Variants in SYNRG observed in about 807,000 individuals in gnomAD.
SYNRG encodes the protein AP1 gamma subunit binding protein 1.
SYNRG carries 37 observed loss-of-function variants against 130.9 expected under a neutral mutation model. That is an observed-to-expected ratio of 0.28 (90% CI 0.22 to 0.37). The LOEUF is 0.37. SYNRG is among the 10% of genes least tolerant of loss of function. The probability of loss-of-function intolerance (pLI) is 1.00; values close to 1 mark genes in which losing one functional copy is unlikely to be tolerated. For missense variants in SYNRG, 1,338 were observed against 1,588.9 expected, an observed-to-expected ratio of 0.84 and a Z score of 2.68; for synonymous variants, 539 against 568.1, an observed-to-expected ratio of 0.95 and a Z score of 0.73.
intron 19 of SYNRG, among the ~76,000 whole-genome samples, chr17:37,522,664 G>A (rs1405514453): frequency 7.0e-6 from 1 of 143,756 alleles, no homozygotes; most frequent in Non-Finnish European, 1.5e-5. Flanking sequence ...TTTTTGAGGT[G>A]GAGTCTTGCT....
At position 37,518,662 on chromosome 17, in the gene SYNRG, T is replaced by C. The variant is rs530602739; in HGVS notation, c.*278A>G. 2 of 381,868 alleles carry C rather than the reference T, an allele frequency of 5.2e-6. No homozygotes were observed. The highest frequency in any genetic ancestry group is 4.0e-5 in the African/African-American group (2 of 49,504). 23.7% of individuals were successfully genotyped at this position (381,868 alleles called of 1,614,324 possible). Reference sequence around the variant, plus strand: ...ACAGTTTCAATACTGCAGCAGCAAGTTCTTCCTTAGATCAAGAAAGCCGTG... The same window carrying C: ...ACAGTTTCAATACTGCAGCAGCAAGCTCTTCCTTAGATCAAGAAAGCCGTG... On this transcript the variant is annotated 3_prime_UTR_variant, in exon 22 of 22. Coordinates refer to ENST00000612223, the MANE Select transcript of SYNRG (RefSeq NM_007247.6).
At chr17:37,599,379 T>C (rs1270728876) in intron 2 of SYNRG, among the ~76,000 whole-genome samples, 2 of 152,182 alleles carry the variant, frequency 1.3e-5, no homozygotes. Context: ...TGGGTCCTAG[T>C]CTGAGACCAA....
intron 3 of SYNRG, among the ~76,000 whole-genome samples, chr17:37,594,462 CTTTTTT>C (rs58155320): frequency 8.0e-6 from 1 of 124,498 alleles, no homozygotes; most frequent in Admixed American, 8.2e-5. Context: ...CTTTCTTCTT[CTTTTTT>C]TTTTTTTTTT....
intron 2 of SYNRG, among the ~76,000 whole-genome samples, chr17:37,598,712 A>T (rs1373460954): frequency 1.4e-5 from 2 of 145,382 alleles, no homozygotes; most frequent in African/African-American, 5.0e-5. Flanking sequence ...AACAACTGTT[A>T]AAAAAAAATC....
At chr17:37,598,564 G>A (rs2062985379) in intron 2 of SYNRG, among the ~76,000 whole-genome samples, 1 of 152,166 alleles carries the variant, frequency 6.6e-6, no homozygotes, top group South Asian at 2.1e-4. Context: ...GTAAAAAATA[G>A]GTCTCTTTCT....
chr17:37,551,796 A>AC (rs1446456229), intron 14 of SYNRG, among the ~76,000 whole-genome samples: 1 of 151,426 alleles, frequency 6.6e-6, no homozygotes, highest in Admixed American at 6.6e-5. Context: ...TAAAAAAAAA[A>AC]AACCAACAAA....
chr17:37,526,900 G>A (rs1300612149), intron 19 of SYNRG, among the ~76,000 whole-genome samples: 1 of 152,226 alleles, frequency 6.6e-6, no homozygotes, highest in Non-Finnish European at 1.5e-5. Context: ...GACATGGGTA[G>A]CTTTGAGGGG....
intron 13 of SYNRG, among the ~76,000 whole-genome samples, chr17:37,558,091 T>C (rs1242772647): frequency 6.6e-6 from 1 of 152,176 alleles, no homozygotes; most frequent in East Asian, 1.9e-4. Context: ...CTCAGGTTTA[T>C]CTCTGTTACT....
chr17:37,585,866 C>T (rs1327448561), intron 4 of SYNRG, among the ~76,000 whole-genome samples: 2 of 152,108 alleles, frequency 1.3e-5, no homozygotes, highest in African/African-American at 4.8e-5. Flanking sequence ...AACTGTGTAA[C>T]CTGGACTGAC....
intron 19 of SYNRG, among the ~76,000 whole-genome samples, chr17:37,521,135 C>G (rs1057101264): frequency 1.3e-5 from 2 of 151,188 alleles, no homozygotes; most frequent in Admixed American, 6.6e-5. Context: ...CGGGTTCAAG[C>G]GATTCTCCTG....
At chr17:37,590,177 A>AAAAAAG (rs1555788466) in intron 3 of SYNRG, among the ~76,000 whole-genome samples, 1 of 150,930 alleles carries the variant, frequency 6.6e-6, no homozygotes, top group Admixed American at 6.6e-5. Flanking sequence ...CAAAAAAAAA[A>AAAAAAG]AAAAGAAAAG....
chr17:37,579,284 G>A (rs2061098950), intron 6 of SYNRG: 3 of 1,303,672 alleles, frequency 2.3e-6, no homozygotes, highest in Non-Finnish European at 3.0e-6. Flanking sequence ...TGGGGTGGAG[G>A]GGTGGAAAGA....
intron 1 of SYNRG, chr17:37,601,114 C>T (rs906098945): frequency 6.6e-6 from 1 of 152,642 alleles, no homozygotes; most frequent in Admixed American, 6.6e-5. Context: ...GTTGCCCAGG[C>T]TTGAGTGCAA....
At chr17:37,584,600 A>G (rs1021520277) in intron 6 of SYNRG, 48 bp downstream of exon 6, 2 of 1,495,038 alleles carry the variant, frequency 1.3e-6, no homozygotes, top group Admixed American at 1.7e-5. Flanking sequence ...CAGGGACTAC[A>G]TAAATCACCT....
At chr17:37,573,929 G>A (rs778815960) in intron 8 of SYNRG, among the ~76,000 whole-genome samples, 3 of 152,038 alleles carry the variant, frequency 2.0e-5, no homozygotes, top group Non-Finnish European at 4.4e-5. Context: ...AAAGGACCCA[G>A]AATAGCCAAA....
At chr17:37,519,853 C>A (rs1278466565) in intron 21 of SYNRG, among the ~76,000 whole-genome samples, 1 of 152,226 alleles carries the variant, frequency 6.6e-6, no homozygotes, top group Non-Finnish European at 1.5e-5. Context: ...TAAATGGCTA[C>A]ATCCTGAAGC....
intron 3 of SYNRG, among the ~76,000 whole-genome samples, chr17:37,594,234 TTA>T (rs1598604934): frequency 1.4e-5 from 2 of 145,224 alleles, no homozygotes; most frequent in East Asian, 4.0e-4. Context: ...ATTATATTAA[TTA>T]CAATATTAAT....
Position 37,516,431 on chromosome 17 carries a change from T to A in SYNRG, c.*2509A>T, listed in dbSNP as rs2054431439. Reference sequence around the variant, plus strand: ...TTTTTTCTGTTGACATCTGCTGAATTTTCCTGTGGCACCTCCCAAGGAGTG... The same window carrying A: ...TTTTTTCTGTTGACATCTGCTGAATATTCCTGTGGCACCTCCCAAGGAGTG... On this transcript the variant is annotated 3_prime_UTR_variant, in exon 22 of 22. Coordinates refer to ENST00000612223, the MANE Select transcript of SYNRG (RefSeq NM_007247.6). 1 of 152,182 alleles carries A rather than the reference T, an allele frequency of 6.6e-6. No homozygotes were observed. Among genetic ancestry groups the A allele is most frequent in the East Asian group, 1.9e-4 (1 of 5,198 alleles). 9.4% of individuals were successfully genotyped at this position (152,182 alleles called of 1,614,324 possible). A position where few individuals can be genotyped will look rare whatever the true frequency, so the allele number is the denominator to read the frequency against.
chr17:37,553,600 G>A lies in SYNRG; in HGVS notation c.2123C>T (p.Pro708Leu), dbSNP rs375999546. 25 of 1,613,966 alleles carry A rather than the reference G, an allele frequency of 1.5e-5. No individual in the cohort carries two copies. Among genetic ancestry groups the A allele is most frequent in the East Asian group, 4.5e-5 (2 of 44,882 alleles). Residue 708 changes from proline to leucine, a missense_variant, in exon 14 of 22, where the codon CCG becomes CTG. Transcript: ENST00000612223. The part of the protein sequence containing the change: ...SNSSISSEQK[P>L]DDKYDALKEE... Reference sequence around the variant, plus strand: ...TTTAAGGGCATCATATTTGTCATCCGGCTTTTGCTCAGATGAAATAGAGCT... The same window carrying A: ...TTTAAGGGCATCATATTTGTCATCCAGCTTTTGCTCAGATGAAATAGAGCT...
Sources: gnomAD v4.1 joint callset for allele counts (sites outside exome capture counted in the v4.1 genomes callset) on GRCh38, gnomAD v4.1.1 for gene constraint, MANE v1.5 for transcripts, NCBI Gene and HGNC (gene_info 2026-07-23, HGNC 2026-07-21) for gene names.